Variants in SYT13 observed in about 807,000 individuals in gnomAD.
SYT13 encodes the protein synaptotagmin 13, also known as synaptotagmin-13.
In SYT13, 21 loss-of-function variants were observed where a neutral mutation model predicts 38.6. That is an observed-to-expected ratio of 0.54 (90% CI 0.39 to 0.78). SYT13 has a LOEUF of 0.78. Among genes scored for constraint, SYT13 ranks in the 30% least tolerant of loss-of-function variants. The pLI, the probability that SYT13 is intolerant of heterozygous loss-of-function variation, is 0.00. For synonymous variants in SYT13, 241 were observed against 237.6 expected, an observed-to-expected ratio of 1.01 and a Z score of -0.13; for missense variants, 495 against 548.7, an observed-to-expected ratio of 0.90 and a Z score of 0.98.
At position 45,274,419 on chromosome 11, in the gene SYT13, A is replaced by G. The variant is rs533707340; in HGVS notation, c.183+11606T>C. On this transcript the variant is annotated intron_variant, in intron 1 of 5. Coordinates refer to ENST00000020926, the MANE Select transcript of SYT13 (RefSeq NM_020826.3). ...ACGAGATCATTAGATGATGCATTGC[A>G]AAGAATGTGCAAAGAAACCCTCCAA... Among the ~76,000 whole-genome samples the G allele has an allele frequency of 2.0e-5, 3 of 152,336 alleles. No homozygotes were observed. In the East Asian group the frequency reaches 5.8e-4, roughly 29 times the overall value.
At chr11:45,280,198 G>T (rs924089323) in intron 1 of SYT13, among the ~76,000 whole-genome samples, 1 of 152,106 alleles carries the variant, frequency 6.6e-6, no homozygotes, top group African/African-American at 2.4e-5. Context: ...ATCAGAGAAG[G>T]CGTTGCTCTA....
At chr11:45,267,823 A>T (rs1040868467) in intron 1 of SYT13, among the ~76,000 whole-genome samples, 3 of 152,170 alleles carry the variant, frequency 2.0e-5, no homozygotes, top group Admixed American at 6.5e-5. Context: ...ATCCACCTTG[A>T]AGAGGAGGCT....
rs375254713 is a variant in SYT13, at chr11:45,255,943, T to A, written c.184-52A>T. On this transcript the variant is annotated intron_variant, in intron 1 of 5. Coordinates refer to ENST00000020926, the MANE Select transcript of SYT13 (RefSeq NM_020826.3). The stretch of plus-strand genomic sequence containing the variant: ...TCCACAAAGGAGCCCTCTTGTCTGT[T>A]TCCCCCCATGGAAGGGAGAAACGGT... 49 of 1,585,812 alleles carry A rather than the reference T, an allele frequency of 3.1e-5. No individual in the cohort carries two copies. The African/African-American group carries it at 6.3e-4, about 20-fold the overall frequency.
chr11:45,256,938 C>T (rs1854754756), intron 1 of SYT13, among the ~76,000 whole-genome samples: 2 of 152,208 alleles, frequency 1.3e-5, no homozygotes, highest in Admixed American at 6.5e-5. Context: ...CATCAAGTTG[C>T]TGTGTCCCTT....
rs183533852 is a variant in SYT13 at position 45,250,565 on chromosome 11, G to A, written c.846+1856C>T. Among the ~76,000 whole-genome samples the A allele has an allele frequency of 1.6e-3, 247 of 152,298 alleles. 3 individuals carry two copies. Among genetic ancestry groups the A allele is most frequent in the Non-Finnish European group, 3.5e-4 (24 of 68,024 alleles). ...GTCTCTGCATCTCGAGAGAAAGCTA[G>A]TTTACTAGTTTAATAATCCTAAGTA... On this transcript the variant is annotated intron_variant, in intron 4 of 5. Transcript: ENST00000020926.
intron 3 of SYT13, among the ~76,000 whole-genome samples, chr11:45,253,036 T>C (rs1000613775): frequency 6.6e-6 from 1 of 152,206 alleles, no homozygotes; most frequent in Non-Finnish European, 1.5e-5. Flanking sequence ...GCTGGGGGCC[T>C]TTATTAGTGG....
At chr11:45,284,077 G>A (rs1855106619) in intron 1 of SYT13, among the ~76,000 whole-genome samples, 1 of 152,284 alleles carries the variant, frequency 6.6e-6, no homozygotes, top group East Asian at 1.9e-4. Context: ...TTGTATGAAA[G>A]GCCAGAGAAA....
chr11:45,274,900 G>T (rs1158370377), intron 1 of SYT13, among the ~76,000 whole-genome samples: 1 of 152,072 alleles, frequency 6.6e-6, no homozygotes, highest in African/African-American at 2.4e-5. Flanking sequence ...CATTGGCCTT[G>T]CAGGTGAAGA....
At chr11:45,256,830 T>G (rs895767152) in intron 1 of SYT13, among the ~76,000 whole-genome samples, 1 of 152,190 alleles carries the variant, frequency 6.6e-6, no homozygotes, top group African/African-American at 2.4e-5. Flanking sequence ...ATTTATCATC[T>G]TATTACACAC....
Position 45,256,145 on chromosome 11 carries a change from G to A in SYT13, c.184-254C>T, listed in dbSNP as rs186537831. ...ATCGGCCCATCCATCCTATGGCTGC[G>A]CCCATGGATATTGCCTGGACCTGCT... On this transcript the variant is annotated intron_variant, in intron 1 of 5. Transcript: ENST00000020926. 3.9e-3 allele frequency among the ~76,000 whole-genome samples: 590 copies of A among 152,120 alleles called. 2 individuals are homozygous for A. The highest frequency in any genetic ancestry group is 0.013 in the African/African-American group (553 of 41,494).
At chr11:45,270,075 G>A (rs868787303) in intron 1 of SYT13, among the ~76,000 whole-genome samples, 37 of 152,250 alleles carry the variant, frequency 2.4e-4, no homozygotes, top group African/African-American at 8.2e-4. Flanking sequence ...TCAGCAATGT[G>A]TTTCACCTCA....
At chr11:45,268,185 G>T (rs1854907822) in intron 1 of SYT13, among the ~76,000 whole-genome samples, 1 of 152,092 alleles carries the variant, frequency 6.6e-6, no homozygotes, top group African/African-American at 2.4e-5. Context: ...TAACGCAAAC[G>T]TTTTATCTGC....
rs1854567574 is a variant in SYT13, at chr11:45,242,792, G to T, written c.*1260C>A. On this transcript the variant is annotated 3_prime_UTR_variant, in exon 6 of 6. Transcript: ENST00000020926. ...AGAACCCAGGAATCCTGGTTCAGGTGTAAGTACCGTATCCACTCAGCAAGG... is the reference window on the plus strand; with the variant it reads ...AGAACCCAGGAATCCTGGTTCAGGTTTAAGTACCGTATCCACTCAGCAAGG... 1 of 152,148 alleles carries T rather than the reference G, an allele frequency of 6.6e-6. No homozygotes were observed. Among genetic ancestry groups the T allele is most frequent in the South Asian group, 2.1e-4 (1 of 4,826 alleles). 9.4% of individuals were successfully genotyped at this position (152,148 alleles called of 1,614,324 possible).
At chr11:45,250,575 T>G (rs1449901103) in intron 4 of SYT13, among the ~76,000 whole-genome samples, 1 of 152,178 alleles carries the variant, frequency 6.6e-6, no homozygotes, top group East Asian at 1.9e-4. Context: ...GTTTACTAGT[T>G]TAATAATCCT....
intron 1 of SYT13, among the ~76,000 whole-genome samples, chr11:45,280,322 G>C (rs554185157): frequency 6.6e-6 from 1 of 152,042 alleles, no homozygotes; most frequent in Non-Finnish European, 1.5e-5. Flanking sequence ...GTGGCCATGG[G>C]AGAAACAGCA....
chr11:45,268,634 C>T (rs1854912786), intron 1 of SYT13, among the ~76,000 whole-genome samples: 1 of 152,178 alleles, frequency 6.6e-6, no homozygotes, highest in East Asian at 1.9e-4. Flanking sequence ...AGTCTGAAGT[C>T]ACATGGTTAA....
chr11:45,248,841 G>C (rs551935258), intron 4 of SYT13, among the ~76,000 whole-genome samples: 1 of 152,326 alleles, frequency 6.6e-6, no homozygotes, highest in East Asian at 1.9e-4. Context: ...GGTCTAACTA[G>C]CCTAGCCGGC....
rs562539839 is a variant in SYT13 at position 45,281,630 on chromosome 11, G to A, written c.183+4395C>T. Among the ~76,000 whole-genome samples the A allele has an allele frequency of 6.7e-5, 10 of 148,584 alleles. No homozygotes were observed. In the South Asian group the frequency reaches 2.1e-3, roughly 31 times the overall value. On this transcript the variant is annotated intron_variant, in intron 1 of 5. Coordinates refer to ENST00000020926, the MANE Select transcript of SYT13 (RefSeq NM_020826.3). ...TGCAGTGAGCCGAGATCATGCCACT[G>A]TACTCCATCCTGGGCGACAGAGTGA...
intron 1 of SYT13, among the ~76,000 whole-genome samples, chr11:45,269,007 C>T (rs182314726): frequency 7.4e-4 from 113 of 152,206 alleles, no homozygotes; most frequent in Non-Finnish European, 1.3e-3. Flanking sequence ...AACAGTAAAA[C>T]ACCAGGCAGA....
Sources: gnomAD v4.1 joint callset for allele counts (sites outside exome capture counted in the v4.1 genomes callset) on GRCh38, gnomAD v4.1.1 for gene constraint, MANE v1.5 for transcripts, NCBI Gene and HGNC (gene_info 2026-07-23, HGNC 2026-07-21) for gene names.